GRID2: variants seen among roughly 807,000 people sequenced by gnomAD.
The protein encoded by GRID2 is glutamate receptor ionotropic, delta-2.
Under a neutral mutation model 114.8 loss-of-function variants are expected in GRID2, and 33 were observed. That is an observed-to-expected ratio of 0.29 (90% CI 0.22 to 0.38). The LOEUF is 0.38. GRID2 is among the 10% of genes least tolerant of loss of function. The probability of loss-of-function intolerance (pLI) is 1.00; values close to 1 mark genes in which losing one functional copy is unlikely to be tolerated. For synonymous variants in GRID2, 505 were observed against 449.9 expected (o/e 1.12, Z -1.55); for missense variants, 1,184 against 1,257.7 (o/e 0.94, Z 0.89).
At chr4:92,770,369 TTTC>T (rs1246494240) in intron 2 of GRID2, among the ~76,000 whole-genome samples, 1 of 152,200 alleles carries the variant, frequency 6.6e-6, no homozygotes, top group Non-Finnish European at 1.5e-5. Context: ...CACATTTTCC[TTTC>T]TTCTTCTGAG....
At chr4:93,080,834 T>C (rs904793726) in intron 2 of GRID2, among the ~76,000 whole-genome samples, 2 of 152,160 alleles carry the variant, frequency 1.3e-5, no homozygotes, top group African/African-American at 4.8e-5. Flanking sequence ...TTTCTCACAG[T>C]TTAAGAGGCT....
rs555805521 is a variant in GRID2 at position 93,589,594 on chromosome 4, T to C, written c.2194-36675T>C. Among the ~76,000 whole-genome samples the C allele has an allele frequency of 5.5e-4, 83 of 152,112 alleles. 1 individual carries two copies. Among genetic ancestry groups the C allele is most frequent in the South Asian group, 4.6e-3 (22 of 4,820 alleles). On this transcript the variant is annotated intron_variant, in intron 13 of 15. Transcript: ENST00000282020. Reference sequence around the variant, plus strand: ...GTAATGGGATGGCTGGGTCAAATGGTATTTCTAGTTCTAGATCCCTGAGGA... The same window carrying C: ...GTAATGGGATGGCTGGGTCAAATGGCATTTCTAGTTCTAGATCCCTGAGGA...
chr4:92,705,835 C>T (rs1222174543), intron 2 of GRID2, among the ~76,000 whole-genome samples: 16 of 152,164 alleles, frequency 1.1e-4, no homozygotes, highest in Non-Finnish European at 2.9e-5. Flanking sequence ...CTTTGTCCTG[C>T]TGTATCACCT....
chr4:92,976,307 C>G (rs1753865378), intron 2 of GRID2, among the ~76,000 whole-genome samples: 1 of 151,972 alleles, frequency 6.6e-6, no homozygotes. Flanking sequence ...ATACCCACTA[C>G]AAATTTAAAT....
At chr4:93,285,163 T>C in intron 8 of GRID2, among the ~76,000 whole-genome samples, 1 of 85,810 alleles carries the variant, frequency 1.2e-5, no homozygotes, top group East Asian at 2.9e-4. Flanking sequence ...GAGAGCATTT[T>C]GTAATAAAAA....
rs116351333 is a variant in GRID2, at chr4:92,945,315, T to C, written c.245-139680T>C. Among the ~76,000 whole-genome samples, 189 of 152,302 alleles carry C rather than the reference T, an allele frequency of 1.2e-3. 1 individual carries two copies. Among genetic ancestry groups the C allele is most frequent in the African/African-American group, 4.2e-3 (175 of 41,578 alleles). ...GAGTTTTAAAGTCATTGTTCTATTATTTTATGGAATCCAACATTACTTATG... is the reference window on the plus strand; with the variant it reads ...GAGTTTTAAAGTCATTGTTCTATTACTTTATGGAATCCAACATTACTTATG... On this transcript the variant is annotated intron_variant, in intron 2 of 15. Coordinates refer to ENST00000282020, the MANE Select transcript of GRID2 (RefSeq NM_001510.4).
At chr4:92,793,863 A>G (rs1344894616) in intron 2 of GRID2, among the ~76,000 whole-genome samples, 1 of 151,866 alleles carries the variant, frequency 6.6e-6, no homozygotes, top group African/African-American at 2.4e-5. Flanking sequence ...CAAGGTAAGA[A>G]CAGCTTTAAA....
At chr4:92,534,163 T>A (rs1384376873) in intron 1 of GRID2, among the ~76,000 whole-genome samples, 1 of 152,120 alleles carries the variant, frequency 6.6e-6, no homozygotes, top group Non-Finnish European at 1.5e-5. Context: ...TATATATTAA[T>A]GTTTAATCAA....
rs571921797 is a variant in GRID2, at chr4:93,199,672, A to G, written c.736-7732A>G. Among the ~76,000 whole-genome samples the G allele has an allele frequency of 3.0e-4, 46 of 152,292 alleles. No individual in the cohort carries two copies. The South Asian group carries it at 8.9e-3, about 29-fold the overall frequency. On this transcript the variant is annotated intron_variant, in intron 4 of 15. Coordinates refer to ENST00000282020, the MANE Select transcript of GRID2 (RefSeq NM_001510.4). The stretch of plus-strand genomic sequence containing the variant: ...TAGTGGCTGCTTGGAAAAGAACAGA[A>G]GACAGTTGAGGATCCATGCTGAGCT...
At chr4:92,975,654 A>G (rs904829524) in intron 2 of GRID2, among the ~76,000 whole-genome samples, 5 of 152,124 alleles carry the variant, frequency 3.3e-5, no homozygotes, top group Non-Finnish European at 5.9e-5. Flanking sequence ...GCTTTTTACA[A>G]TCAATGATTA....
At chr4:93,059,810 TAA>T (rs35372891) in intron 2 of GRID2, among the ~76,000 whole-genome samples, 1 of 145,198 alleles carries the variant, frequency 6.9e-6, no homozygotes. Context: ...CAGTGATCTT[TAA>T]AAAAAAAAAA....
chr4:92,621,394 A>G (rs1351124136), intron 2 of GRID2, among the ~76,000 whole-genome samples: 3 of 151,772 alleles, frequency 2.0e-5, no homozygotes, highest in Middle Eastern at 3.2e-3. Flanking sequence ...TTGTGGGAAA[A>G]AAAGTTTAAA....
rs1270431815 is a variant in GRID2 at position 92,939,620 on chromosome 4, T to C, written c.245-145375T>C. Among the ~76,000 whole-genome samples the C allele has an allele frequency of 2.1e-4, 31 of 147,480 alleles. 4 individuals carry two copies. Among genetic ancestry groups the C allele is most frequent in the Non-Finnish European group, 3.5e-4 (23 of 66,568 alleles). On this transcript the variant is annotated intron_variant, in intron 2 of 15. Coordinates refer to ENST00000282020, the MANE Select transcript of GRID2 (RefSeq NM_001510.4). ...TTTTGTTGCCATTGCTTTTGGTGTT[T>C]TAGACATGAAGTCCTTGCCCATGCC...
At chr4:92,878,773 T>G (rs1161037405) in intron 2 of GRID2, among the ~76,000 whole-genome samples, 5 of 152,098 alleles carry the variant, frequency 3.3e-5, no homozygotes, top group Non-Finnish European at 7.4e-5. Flanking sequence ...AGTTTATCAT[T>G]TAGAGAGATG....
intron 2 of GRID2, among the ~76,000 whole-genome samples, chr4:93,044,531 T>A (rs1725938789): frequency 6.6e-6 from 1 of 152,148 alleles, no homozygotes; most frequent in East Asian, 1.9e-4. Context: ...TGATCTGCAG[T>A]AAAGTTAAAG....
chr4:92,594,343 TATATAAATCA>T (rs550793025), intron 2 of GRID2, among the ~76,000 whole-genome samples: 2 of 152,040 alleles, frequency 1.3e-5, no homozygotes, highest in Admixed American at 6.6e-5. Context: ...CCAGTTACAT[TATATAAATCA>T]ATCTTGTTCT....
chr4:93,661,575 A>C (rs1007435126), intron 14 of GRID2, among the ~76,000 whole-genome samples: 1 of 152,132 alleles, frequency 6.6e-6, no homozygotes, highest in Non-Finnish European at 1.5e-5. Context: ...ATATTAAATA[A>C]GCCTTCTATA....
At chr4:93,628,350 A>G (rs1185544781) in intron 14 of GRID2, among the ~76,000 whole-genome samples, 1 of 152,164 alleles carries the variant, frequency 6.6e-6, no homozygotes, top group Non-Finnish European at 1.5e-5. Context: ...ATATATATGT[A>G]TATAATATCA....
In GRID2 at chr4:93,174,669, G is replaced by C. The variant is rs191968933; in HGVS notation, c.736-32735G>C. On this transcript the variant is annotated intron_variant, in intron 4 of 15. Transcript: ENST00000282020. ...TTTCTCTGTCATATAAGGACACAGA[G>C]AGAAGGTGGCTATTGCAAGCCAAGA... Among the ~76,000 whole-genome samples the C allele has an allele frequency of 4.2e-3, 636 of 152,250 alleles. 8 individuals are homozygous for C. Among genetic ancestry groups the C allele is most frequent in the African/African-American group, 0.015 (612 of 41,540 alleles).
Sources: allele counts gnomAD v4.1 joint callset (sites outside exome capture counted in the v4.1 genomes callset), GRCh38; gene constraint gnomAD v4.1.1; transcripts MANE v1.5; gene names NCBI Gene and HGNC (gene_info 2026-07-23, HGNC 2026-07-21).